Variants in LRRC8D observed in about 807,000 individuals in gnomAD.
LRRC8D encodes the protein leucine rich repeat containing 8 VRAC subunit D.
A neutral mutation model predicts 55.8 loss-of-function variants in LRRC8D; 20 were observed. The ratio of observed to expected loss-of-function variants is 0.36; its 90% CI spans 0.25 to 0.52. The LOEUF (loss-of-function observed/expected upper bound fraction) is 0.52. Among genes scored for constraint, LRRC8D ranks in the 20% least tolerant of loss-of-function variants. LRRC8D has a pLI of 0.93. For synonymous variants in LRRC8D, 352 were observed against 377.0 expected (o/e 0.93, Z 0.77); for missense variants, 651 against 1,030.8 (o/e 0.63, Z 5.05).
intron 1 of LRRC8D, among the ~76,000 whole-genome samples, chr1:89,829,478 T>A (rs140421307): frequency 2.3e-4 from 35 of 152,384 alleles, no homozygotes; most frequent in African/African-American, 7.9e-4. Context: ...CAGACTTTTT[T>A]ATTTTAAACC....
chr1:89,851,044 C>T (rs1009795316), intron 2 of LRRC8D, among the ~76,000 whole-genome samples: 10 of 151,186 alleles, frequency 6.6e-5, no homozygotes, highest in African/African-American at 1.5e-4. Flanking sequence ...ATATTGCTGA[C>T]GTTACATTTT....
At chr1:89,925,331 T>C (rs1663531465) in intron 2 of LRRC8D, among the ~76,000 whole-genome samples, 1 of 152,178 alleles carries the variant, frequency 6.6e-6, no homozygotes, top group Non-Finnish European at 1.5e-5. Flanking sequence ...TGATTCCACA[T>C]TATGGTGAGT....
intron 2 of LRRC8D, among the ~76,000 whole-genome samples, chr1:89,856,830 GT>G (rs1490423517): frequency 1.3e-5 from 2 of 152,156 alleles, no homozygotes; most frequent in Non-Finnish European, 2.9e-5. Context: ...CACCACGCTT[GT>G]AACTGTTTTC....
At chr1:89,927,784 C>T (rs78141368) in intron 2 of LRRC8D, among the ~76,000 whole-genome samples, 1,857 of 152,242 alleles carry the variant, frequency 0.012, 25 homozygotes, top group African/African-American at 0.027. Context: ...TTCTCTTAGC[C>T]CCCAAAAGCT....
At chr1:89,894,462 T>G (rs1239497960) in intron 2 of LRRC8D, among the ~76,000 whole-genome samples, 1 of 152,182 alleles carries the variant, frequency 6.6e-6, no homozygotes, top group Admixed American at 6.5e-5. Context: ...TATCTCTGAG[T>G]GTTAACTTTC....
chr1:89,900,899 G>A (rs1236052761), intron 2 of LRRC8D, among the ~76,000 whole-genome samples: 1 of 152,210 alleles, frequency 6.6e-6, no homozygotes, highest in East Asian at 1.9e-4. Context: ...ATCCAATGGT[G>A]ATTTCAGTTC....
At chr1:89,860,193 C>G (rs992941830) in intron 2 of LRRC8D, among the ~76,000 whole-genome samples, 1 of 152,184 alleles carries the variant, frequency 6.6e-6, no homozygotes, top group South Asian at 2.1e-4. Context: ...ATGCTTATAT[C>G]CGAACCATTC....
At chr1:89,862,074 G>A (rs981282806) in intron 2 of LRRC8D, among the ~76,000 whole-genome samples, 1 of 152,130 alleles carries the variant, frequency 6.6e-6, no homozygotes, top group Non-Finnish European at 1.5e-5. Flanking sequence ...AATCTCATTC[G>A]TACACACTTC....
At chr1:89,890,729 G>A (rs542868121) in intron 2 of LRRC8D, among the ~76,000 whole-genome samples, 1 of 152,110 alleles carries the variant, frequency 6.6e-6, no homozygotes, top group Non-Finnish European at 1.5e-5. Flanking sequence ...CAGGAAATTG[G>A]CATTTATACA....
intron 2 of LRRC8D, among the ~76,000 whole-genome samples, chr1:89,901,193 C>T (rs993807141): frequency 2.6e-5 from 4 of 152,196 alleles, no homozygotes; most frequent in Admixed American, 6.5e-5. Context: ...AGGCCTTTCA[C>T]GGCTGCTTGA....
rs886606386 is a variant in LRRC8D at position 89,936,591 on chromosome 1, CT to C, written c.*948del. 1.4e-4 allele frequency: 22 copies of C among 152,084 alleles called. No individual in the cohort carries two copies. The highest frequency in any genetic ancestry group is 5.3e-4 in the African/African-American group (22 of 41,386). The allele number at this position is 152,084 out of a possible 1,614,324, so 9.4% of individuals were successfully genotyped here. On this transcript the variant is annotated 3_prime_UTR_variant, in exon 3 of 3. Coordinates refer to ENST00000337338, the MANE Select transcript of LRRC8D (RefSeq NM_001134479.2). ...ATGTAGTTCATTGGGTAGGGAAACT[CT>C]TACCTTTCCCTATCTTAATGACAAG...
chr1:89,935,675 AGGAACAACTTCC>A lies in LRRC8D; in HGVS notation c.*31_*42del. ...AGATAATATATGCACAGTGATGTGC[AGGAACAACTTCC>A]TAGATTGCAAGTGCTCACGTACAAG... On this transcript the variant is annotated 3_prime_UTR_variant, in exon 3 of 3. Coordinates refer to ENST00000337338, the MANE Select transcript of LRRC8D (RefSeq NM_001134479.2). The A allele has an allele frequency of 6.3e-7, 1 of 1,588,602 alleles. No individual in the cohort carries two copies. Among genetic ancestry groups the A allele is most frequent in the Non-Finnish European group, 8.6e-7 (1 of 1,161,924 alleles).
chr1:89,874,705 G>A (rs777729623), intron 2 of LRRC8D, among the ~76,000 whole-genome samples: 16 of 152,116 alleles, frequency 1.1e-4, no homozygotes, highest in African/African-American at 3.9e-4. Context: ...GCAATAATCT[G>A]AATTGTAGAT....
chr1:89,829,230 A>G (rs1337589064), intron 1 of LRRC8D, among the ~76,000 whole-genome samples: 2 of 152,230 alleles, frequency 1.3e-5, no homozygotes, highest in Non-Finnish European at 2.9e-5. Flanking sequence ...GTACTTGGAC[A>G]ATGTATGGAA....
chr1:89,855,663 C>T (rs752501163), intron 2 of LRRC8D, among the ~76,000 whole-genome samples: 2 of 152,190 alleles, frequency 1.3e-5, no homozygotes, highest in East Asian at 3.8e-4. Context: ...TATACAATTG[C>T]CTCTCCACCT....
intron 2 of LRRC8D, among the ~76,000 whole-genome samples, chr1:89,876,583 G>A (rs1293696041): frequency 6.6e-6 from 1 of 152,160 alleles, no homozygotes; most frequent in Admixed American, 6.5e-5. Context: ...GAGGTGGCAG[G>A]GTAGTGGGAG....
intron 2 of LRRC8D, among the ~76,000 whole-genome samples, chr1:89,881,227 G>C (rs1662274828): frequency 6.6e-6 from 1 of 152,092 alleles, no homozygotes; most frequent in African/African-American, 2.4e-5. Context: ...CATCTATTCA[G>C]CCAACAGGAA....
intron 1 of LRRC8D, among the ~76,000 whole-genome samples, chr1:89,830,030 T>A (rs1396425336): frequency 6.6e-6 from 1 of 152,232 alleles, no homozygotes; most frequent in African/African-American, 2.4e-5. Context: ...AAATGTTTGC[T>A]GAATAAATGC....
intron 2 of LRRC8D, among the ~76,000 whole-genome samples, chr1:89,915,481 T>C (rs1316403003): frequency 6.6e-6 from 1 of 152,268 alleles, no homozygotes; most frequent in East Asian, 1.9e-4. Context: ...CGTAGATAGA[T>C]AAATTCTATC....
Sources: gnomAD v4.1 joint callset for allele counts (sites outside exome capture counted in the v4.1 genomes callset) on GRCh38, gnomAD v4.1.1 for gene constraint, MANE v1.5 for transcripts, NCBI Gene and HGNC (gene_info 2026-07-23, HGNC 2026-07-21) for gene names.